Variants in RPTOR observed in about 807,000 individuals in gnomAD.
RPTOR encodes regulatory-associated protein of mTOR.
RPTOR carries 21 observed loss-of-function variants against 169.9 expected under a neutral mutation model. That is an observed-to-expected ratio of 0.12 (90% confidence interval 0.09 to 0.18). RPTOR has a LOEUF of 0.18. RPTOR is among the 10% of genes least tolerant of loss of function. The pLI, the probability that RPTOR is intolerant of heterozygous loss-of-function variation, is 1.00. For missense variants in RPTOR, 1,133 were observed against 1,855.9 expected (o/e 0.61, Z 7.16); for synonymous variants, 732 against 753.2 (o/e 0.97, Z 0.46).
At chr17:80,910,608 C>T (rs1026149824) in intron 21 of RPTOR, among the ~76,000 whole-genome samples, 27 of 152,220 alleles carry the variant, frequency 1.8e-4, no homozygotes, top group African/African-American at 5.8e-4. Context: ...CCACGGCTTC[C>T]CATCCTAGTC....
chr17:80,896,348 G>A (rs1028603729), intron 20 of RPTOR, among the ~76,000 whole-genome samples: 15 of 151,144 alleles, frequency 9.9e-5, no homozygotes, highest in Admixed American at 2.0e-4. Flanking sequence ...CGGCCGCGCC[G>A]ACACCCCACA....
At chr17:80,892,638 G>A (rs570989791) in intron 18 of RPTOR, 91 bp from the exon 19 acceptor site, 25 of 1,429,508 alleles carry the variant, frequency 1.7e-5, no homozygotes, top group Middle Eastern at 2.5e-4. Flanking sequence ...AGCAGCTGCC[G>A]TCACCGAGTG....
chr17:80,932,482 T>G (rs1244884076), intron 24 of RPTOR, among the ~76,000 whole-genome samples: 1 of 151,918 alleles, frequency 6.6e-6, no homozygotes, highest in African/African-American at 2.4e-5. Flanking sequence ...ATAACCAAGA[T>G]TAATATGACC....
chr17:80,631,139 G>A (rs1383079953), intron 2 of RPTOR, among the ~76,000 whole-genome samples: 2 of 152,132 alleles, frequency 1.3e-5, no homozygotes, highest in Admixed American at 1.3e-4. Context: ...TGTGTCTTGG[G>A]ACAGTGTGTT....
At chr17:80,868,593 A>G (rs1283249382) in intron 13 of RPTOR, among the ~76,000 whole-genome samples, 1 of 152,190 alleles carries the variant, frequency 6.6e-6, no homozygotes, top group African/African-American at 2.4e-5. Flanking sequence ...ATTAGCACAC[A>G]CTCAGCATAC....
chr17:80,611,937 AC>A (rs1254786930), intron 1 of RPTOR, among the ~76,000 whole-genome samples: 2 of 151,956 alleles, frequency 1.3e-5, no homozygotes, highest in African/African-American at 4.8e-5. Flanking sequence ...GCATCATTTC[AC>A]TTGTCTTTTC....
intron 21 of RPTOR, among the ~76,000 whole-genome samples, chr17:80,918,537 T>TGAGCACCCTCGCCGGAGTCATAGCCAC (rs2068707256): frequency 3.1e-5 from 1 of 31,786 alleles, no homozygotes; most frequent in African/African-American, 9.3e-5. Context: ...GTCATAGCCA[T>TGAGCACCCTCGCCGGAGTCATAGCCAC]GAGCACCCTC....
At chr17:80,690,222 A>G (rs2065979222) in intron 3 of RPTOR, among the ~76,000 whole-genome samples, 1 of 144,254 alleles carries the variant, frequency 6.9e-6, no homozygotes, top group African/African-American at 2.6e-5. Context: ...CCCCCTTCCC[A>G]CTCCCCTGGC....
rs1487330946 is a variant in RPTOR at position 80,925,432 on chromosome 17, G to A, written c.2871G>A (p.Thr957=). The change falls in exon 24 of 34, where the codon ACG becomes ACA. Residue 957 remains threonine (T), a synonymous_variant. Transcript: ENST00000306801. The part of the protein sequence containing the change: ...HKSFISATVQ[T]GFCDWSARYF... ...GTTTCATCTCCGCCACGGTGCAGAC[G>A]GGGTTCTGCGACTGGAGCGCCCGCT... The A allele has an allele frequency of 1.1e-5, 18 of 1,613,646 alleles. No individual in the cohort carries two copies. Among genetic ancestry groups the A allele is most frequent in the Non-Finnish European group, 1.4e-5 (17 of 1,180,044 alleles).
intron 1 of RPTOR, among the ~76,000 whole-genome samples, chr17:80,583,293 A>G (rs2065033152): frequency 7.1e-6 from 1 of 140,326 alleles, no homozygotes; most frequent in African/African-American, 2.7e-5. Context: ...GGTTCAAGTG[A>G]TTCTCCCCTG....
intron 4 of RPTOR, among the ~76,000 whole-genome samples, chr17:80,711,940 C>T (rs985694793): frequency 1.3e-5 from 2 of 151,900 alleles, no homozygotes; most frequent in Non-Finnish European, 2.9e-5. Flanking sequence ...GACGGGGTTT[C>T]ACCATGTTGG....
chr17:80,775,822 C>T (rs956306037), intron 6 of RPTOR, among the ~76,000 whole-genome samples: 9 of 152,242 alleles, frequency 5.9e-5, no homozygotes, highest in Middle Eastern at 3.4e-3. Context: ...ATTCCATATT[C>T]TTCATACATT....
rs566456484 is a variant in RPTOR at position 80,642,857 on chromosome 17, G to T, written c.266-871G>T. On this transcript the variant is annotated intron_variant, in intron 2 of 33. Coordinates refer to ENST00000306801, the MANE Select transcript of RPTOR (RefSeq NM_020761.3). ...GTCACTGAAACCATGAAATGCCACA[G>T]GCGAATGCAAAAATGGATGAGAGTC... Among the ~76,000 whole-genome samples, 26 of 152,254 alleles carry T rather than the reference G, an allele frequency of 1.7e-4. No individual in the cohort carries two copies. The South Asian group carries it at 5.4e-3, about 32-fold the overall frequency.
At chr17:80,724,164 G>A (rs761515508) in intron 4 of RPTOR, among the ~76,000 whole-genome samples, 4 of 151,402 alleles carry the variant, frequency 2.6e-5, no homozygotes, top group Non-Finnish European at 4.4e-5. Flanking sequence ...TCTCTGAGAC[G>A]TGGGAGGGAA....
chr17:80,624,283 A>G (rs1252341352), intron 1 of RPTOR, among the ~76,000 whole-genome samples: 3 of 152,212 alleles, frequency 2.0e-5, no homozygotes, highest in Non-Finnish European at 2.9e-5. Flanking sequence ...GAACCATATT[A>G]TGTTCTGTAT....
At position 80,964,209 on chromosome 17, in the gene RPTOR, CGCA is replaced by C; in HGVS notation, c.3940-51_3940-49del. On this transcript the variant is annotated intron_variant, in intron 33 of 33. Transcript: ENST00000306801. ...GGTTGGCCTGCGCCCCCCCGCCCCC[CGCA>C]GTGTCTGCCCGCACCTGAACCCCTG... The C allele has an allele frequency of 3.8e-6, 5 of 1,325,552 alleles. No homozygotes were observed. The Admixed American group carries it at 5.1e-5, about 13-fold the overall frequency. 82.1% of individuals were successfully genotyped at this position (1,325,552 alleles called of 1,614,324 possible). A position where few individuals can be genotyped will look rare whatever the true frequency, so the allele number is the denominator to read the frequency against.
chr17:80,756,087 G>A (rs185128352), intron 6 of RPTOR, among the ~76,000 whole-genome samples: 25 of 152,356 alleles, frequency 1.6e-4, no homozygotes, highest in Admixed American at 8.5e-4. Context: ...TGTATGTGCT[G>A]GAAACTTAAT....
Position 80,922,795 on chromosome 17 carries a change from C to T in RPTOR, c.2592C>T (p.Pro864=), listed in dbSNP as rs576302440. ...TCACGCAGTCGGCCCCCGCCAGCCC[C>T]ACCAACAAGGGCGTGCACATCCACC... ...SSLTQSAPAS[P]TNKGVHIHQA... Residue 864 remains proline, a synonymous_variant, in exon 22 of 34, where the codon CCC becomes CCT. Transcript: ENST00000306801. 18 of 1,586,682 alleles carry T rather than the reference C, an allele frequency of 1.1e-5. No individual in the cohort carries two copies. The South Asian group carries it at 1.7e-4, about 15-fold the overall frequency.
At chr17:80,678,231 AAGG>A in intron 3 of RPTOR, among the ~76,000 whole-genome samples, 1 of 152,186 alleles carries the variant, frequency 6.6e-6, no homozygotes, top group Non-Finnish European at 1.5e-5. Context: ...GACAAAAAGG[AAGG>A]AGAAGGACCT....
Sources: allele counts gnomAD v4.1 joint callset (sites outside exome capture counted in the v4.1 genomes callset), GRCh38; gene constraint gnomAD v4.1.1; transcripts MANE v1.5; gene names NCBI Gene and HGNC (gene_info 2026-07-23, HGNC 2026-07-21).